The following RNFT2 variants were observed in gnomAD, a reference collection of about 807,000 sequenced individuals.
RNFT2 encodes ring finger protein, transmembrane 2, also known as E3 ubiquitin-protein ligase RNFT2.
RNFT2 carries 36 observed loss-of-function variants against 53.0 expected under a neutral mutation model. The ratio of observed to expected loss-of-function variants is 0.68; its 90% CI spans 0.52 to 0.90. The LOEUF (loss-of-function observed/expected upper bound fraction) is 0.90, where lower values mean the gene tolerates loss of function less well. RNFT2 is among the 40% of genes least tolerant of loss of function. The pLI, the probability that RNFT2 is intolerant of heterozygous loss-of-function variation, is 0.00. For missense variants in RNFT2, 514 were observed against 585.6 expected (o/e 0.88, Z 1.26); for synonymous variants, 260 against 253.2 (o/e 1.03, Z -0.26).
chr12:116,747,880 G>A (rs906361898), intron 3 of RNFT2, among the ~76,000 whole-genome samples: 1 of 152,056 alleles, frequency 6.6e-6, no homozygotes, highest in Non-Finnish European at 1.5e-5. Context: ...GCAATGTAGT[G>A]ATTCCACTTG....
At chr12:116,771,460 TAAAAAA>T (rs35911608) in intron 6 of RNFT2, among the ~76,000 whole-genome samples, 49 of 64,118 alleles carry the variant, frequency 7.6e-4, no homozygotes, top group East Asian at 4.6e-3. Context: ...ATCCTATCGT[TAAAAAA>T]AAAAAAAAAA....
intron 5 of RNFT2, among the ~76,000 whole-genome samples, chr12:116,759,044 G>A (rs1357431327): frequency 6.6e-6 from 1 of 152,084 alleles, no homozygotes; most frequent in Non-Finnish European, 1.5e-5. Flanking sequence ...TGGAGGCTTT[G>A]TTCATATTTT....
At chr12:116,778,925 C>CAT (rs1566078522) in intron 6 of RNFT2, among the ~76,000 whole-genome samples, 1 of 152,062 alleles carries the variant, frequency 6.6e-6, no homozygotes. Flanking sequence ...TATAGCAACA[C>CAT]AAAAAAAGGA....
chr12:116,810,197 G>A (rs1036229494), intron 7 of RNFT2, among the ~76,000 whole-genome samples: 1 of 152,106 alleles, frequency 6.6e-6, no homozygotes, highest in African/African-American at 2.4e-5. Flanking sequence ...GTCACTCCAA[G>A]GCCCTCTGGG....
In RNFT2 at chr12:116,852,059, C is replaced by T. The variant is rs1877955582; in HGVS notation, c.*2611C>T. 8 of 1,145,904 alleles carry T rather than the reference C, an allele frequency of 7.0e-6. No homozygotes were observed. The South Asian group carries it at 1.3e-4, about 19-fold the overall frequency. The allele number at this position is 1,145,904 out of a possible 1,614,324, so 71.0% of individuals were successfully genotyped here. On this transcript the variant is annotated 3_prime_UTR_variant, in exon 11 of 11. Transcript: ENST00000257575. ...GATCTCTATGACAGAGCCACTTCTC[C>T]ACCTCTGAAATGTTCCCTGCTCTGA...
At chr12:116,770,440 G>A (rs768641645) in intron 6 of RNFT2, among the ~76,000 whole-genome samples, 4 of 152,218 alleles carry the variant, frequency 2.6e-5, no homozygotes, top group Non-Finnish European at 2.9e-5. Context: ...ACCTAAGGAT[G>A]TGTTTCTCAG....
intron 7 of RNFT2, among the ~76,000 whole-genome samples, chr12:116,786,183 G>A (rs1042883475): frequency 6.6e-6 from 1 of 150,666 alleles, no homozygotes; most frequent in African/African-American, 2.4e-5. Flanking sequence ...GTGCAATGGC[G>A]TGACTTCTGC....
chr12:116,760,767 T>C (rs1264686310), intron 5 of RNFT2, among the ~76,000 whole-genome samples: 1 of 152,166 alleles, frequency 6.6e-6, no homozygotes, highest in Non-Finnish European at 1.5e-5. Flanking sequence ...GGTTTGTCCT[T>C]GCAGTCAATC....
chr12:116,760,901 CAG>C (rs1233206618), intron 5 of RNFT2, among the ~76,000 whole-genome samples: 2 of 152,162 alleles, frequency 1.3e-5, no homozygotes, highest in Non-Finnish European at 2.9e-5. Context: ...TTTTTAGAGA[CAG>C]AGTCTTGCTC....
At chr12:116,753,402 C>T (rs553945719) in intron 4 of RNFT2, among the ~76,000 whole-genome samples, 3 of 152,236 alleles carry the variant, frequency 2.0e-5, no homozygotes, top group Non-Finnish European at 2.9e-5. Flanking sequence ...CTGCCCACCT[C>T]GGCCTCCCAA....
At position 116,852,062 on chromosome 12, in the gene RNFT2, C is replaced by A; in HGVS notation, c.*2614C>A. 1.8e-6 allele frequency: 2 copies of A among 1,134,432 alleles called. No individual in the cohort carries two copies. The highest frequency in any genetic ancestry group is 1.6e-5 in the African/African-American group (1 of 63,974). 70.3% of individuals were successfully genotyped at this position (1,134,432 alleles called of 1,614,324 possible). On this transcript the variant is annotated 3_prime_UTR_variant, in exon 11 of 11. Transcript: ENST00000257575. ...CTCTATGACAGAGCCACTTCTCCAC[C>A]TCTGAAATGTTCCCTGCTCTGAAAT... is the stretch of plus-strand genomic sequence containing the variant.
At chr12:116,746,656 C>T (rs754070295) in intron 3 of RNFT2, among the ~76,000 whole-genome samples, 12 of 152,118 alleles carry the variant, frequency 7.9e-5, no homozygotes, top group Non-Finnish European at 8.8e-5. Flanking sequence ...GAGAAAGGGG[C>T]ACATGATAAG....
chr12:116,836,148 C>T (rs1195312764), intron 9 of RNFT2, 33 bp from the exon 10 acceptor site: 2 of 1,591,456 alleles, frequency 1.3e-6, no homozygotes, highest in African/African-American at 1.3e-5. Context: ...CAAGGGCGCC[C>T]ATAGCTGTAT....
rs1359170662 is a variant in RNFT2, at chr12:116,851,838, T to C, written c.*2390T>C. 4.3e-6 allele frequency: 6 copies of C among 1,396,104 alleles called. No individual in the cohort carries two copies. The highest frequency in any genetic ancestry group is 4.9e-6 in the Non-Finnish European group (5 of 1,018,938). The allele number at this position is 1,396,104 out of a possible 1,614,324, so 86.5% of individuals were successfully genotyped here. ...CTTTGGCCCAGATGTGGTTACCCCT[T>C]GGTCTCCTGTCTTTATGTCTTTCTC... is the stretch of plus-strand genomic sequence containing the variant. On this transcript the variant is annotated 3_prime_UTR_variant, in exon 11 of 11. Transcript: ENST00000257575.
At chr12:116,832,898 CTTTTTTTTTT>C (rs71095601) in intron 7 of RNFT2, among the ~76,000 whole-genome samples, 18 of 84,778 alleles carry the variant, frequency 2.1e-4, no homozygotes, top group East Asian at 4.0e-4. Flanking sequence ...AAGTCGTGTT[CTTTTTTTTTT>C]TTTTTTTTTT....
intron 7 of RNFT2, among the ~76,000 whole-genome samples, chr12:116,816,041 A>G (rs1376825888): frequency 6.6e-6 from 1 of 152,190 alleles, no homozygotes; most frequent in Non-Finnish European, 1.5e-5. Context: ...AGCCCAGAGC[A>G]TTTGTGCTTA....
chr12:116,792,276 C>G (rs565496011), intron 7 of RNFT2, among the ~76,000 whole-genome samples: 1 of 152,280 alleles, frequency 6.6e-6, no homozygotes, highest in African/African-American at 2.4e-5. Flanking sequence ...TCTTGAACTC[C>G]TGACCTCAGG....
rs1468301516 is a variant in RNFT2 at position 116,852,473 on chromosome 12, G to A, written c.*3025G>A. The A allele has an allele frequency of 8.2e-6, 12 of 1,457,292 alleles. No homozygotes were observed. The highest frequency in any genetic ancestry group is 2.5e-4 in the Middle Eastern group (1 of 4,032). 90.3% of individuals were successfully genotyped at this position (1,457,292 alleles called of 1,614,324 possible). ...ATCTTTCAAGCTCCGTTACTATGGC[G>A]ATGGCCATGATGTTACAATCCCACT... On this transcript the variant is annotated 3_prime_UTR_variant, in exon 11 of 11. Coordinates refer to ENST00000257575, the MANE Select transcript of RNFT2 (RefSeq NM_001382266.1).
chr12:116,823,582 G>A (rs1357035426), intron 7 of RNFT2, among the ~76,000 whole-genome samples: 2 of 152,208 alleles, frequency 1.3e-5, no homozygotes, highest in African/African-American at 4.8e-5. Flanking sequence ...TACTCTGGTG[G>A]CTGAGGCAGG....
Sources: gnomAD v4.1 joint callset for allele counts (sites outside exome capture counted in the v4.1 genomes callset) on GRCh38, gnomAD v4.1.1 for gene constraint, MANE v1.5 for transcripts, NCBI Gene and HGNC (gene_info 2026-07-23, HGNC 2026-07-21) for gene names.